MED6: variants seen among roughly 807,000 people sequenced by gnomAD.
The protein encoded by MED6 is mediator complex subunit 6.
A neutral mutation model predicts 37.5 loss-of-function variants in MED6; 33 were observed. That is an observed-to-expected ratio of 0.88 (90% confidence interval 0.67 to 1.18). MED6 has a LOEUF of 1.18. Among genes scored for constraint, MED6 ranks in the 50% most tolerant of loss-of-function variants. MED6 has a pLI of 0.00. For missense variants in MED6, 235 were observed against 290.6 expected (o/e 0.81, Z 1.39); for synonymous variants, 94 against 93.6 (o/e 1.00, Z -0.02).
chr14:70,590,495 C>A (rs1306693198), intron 6 of MED6, among the ~76,000 whole-genome samples: 2 of 152,140 alleles, frequency 1.3e-5, no homozygotes, highest in African/African-American at 4.8e-5. Flanking sequence ...AAAGGGGAGG[C>A]TTGTTCTAAA....
At chr14:70,586,900 G>A (rs2139588703) in intron 6 of MED6, among the ~76,000 whole-genome samples, 1 of 152,336 alleles carries the variant, frequency 6.6e-6, no homozygotes. Context: ...TTGCAAGGTT[G>A]GCCCTTGGTT....
intron 1 of MED6, 128 bp downstream of exon 1, chr14:70,600,488 G>C: frequency 2.0e-6 from 2 of 979,690 alleles, no homozygotes; most frequent in Non-Finnish European, 3.1e-6. Context: ...GCCTTGGGTT[G>C]TCCACAAAAA....
intron 3 of MED6, chr14:70,594,854 G>T: frequency 1.5e-6 from 1 of 659,272 alleles, no homozygotes; most frequent in Non-Finnish European, 2.8e-6. Flanking sequence ...GACAGAGTGA[G>T]GAGCCTGGAG....
intron 3 of MED6, among the ~76,000 whole-genome samples, chr14:70,595,948 C>T (rs540501220): frequency 1.3e-5 from 2 of 152,206 alleles, no homozygotes; most frequent in Non-Finnish European, 2.9e-5. Context: ...ACTGTGCTCA[C>T]AGAAAGAGGT....
Sources: allele counts gnomAD v4.1 joint callset (sites outside exome capture counted in the v4.1 genomes callset), GRCh38; gene constraint gnomAD v4.1.1; transcripts MANE v1.5; gene names NCBI Gene and HGNC (gene_info 2026-07-23, HGNC 2026-07-21).